The following CNTN5 variants were observed in gnomAD, a reference collection of about 807,000 sequenced individuals.
The protein encoded by CNTN5 is contactin-5.
CNTN5 carries 77 observed loss-of-function variants against 129.1 expected under a neutral mutation model. That is an observed-to-expected ratio of 0.60 (90% CI 0.50 to 0.72). The LOEUF is 0.72. Ranked by LOEUF, CNTN5 falls within the 30% of genes least tolerant of loss-of-function variation. The pLI is 0.00. For synonymous variants in CNTN5, 509 were observed against 465.6 expected, an observed-to-expected ratio of 1.09 and a Z score of -1.20; for missense variants, 1,478 against 1,328.8, an observed-to-expected ratio of 1.11 and a Z score of -1.75.
chr11:99,607,303 C>T (rs1399196300), intron 3 of CNTN5, among the ~76,000 whole-genome samples: 5 of 119,970 alleles, frequency 4.2e-5, no homozygotes, highest in Admixed American at 8.6e-5. Context: ...TGAACAGACA[C>T]TTCTCAAAAG....
At chr11:99,780,926 G>A (rs188104780) in intron 3 of CNTN5, among the ~76,000 whole-genome samples, 1 of 152,142 alleles carries the variant, frequency 6.6e-6, no homozygotes, top group East Asian at 2.0e-4. Context: ...TAACTTTGTA[G>A]ATCAGGAAGG....
chr11:99,124,117 T>C (rs573946261), intron 1 of CNTN5, among the ~76,000 whole-genome samples: 1 of 152,074 alleles, frequency 6.6e-6, no homozygotes, highest in Admixed American at 6.6e-5. Context: ...AATGGCTTTA[T>C]GCAATATGGC....
chr11:100,143,934 A>G (rs1365752716), intron 13 of CNTN5, among the ~76,000 whole-genome samples: 2 of 152,100 alleles, frequency 1.3e-5, no homozygotes, highest in Non-Finnish European at 2.9e-5. Context: ...TATCCAGATG[A>G]TTCTCATTTT....
At chr11:100,349,291 A>AT (rs1952353077) in intron 23 of CNTN5, among the ~76,000 whole-genome samples, 2 of 151,878 alleles carry the variant, frequency 1.3e-5, no homozygotes, top group Admixed American at 6.6e-5. Context: ...CTCAAAACAC[A>AT]TTTTCTGTAA....
At chr11:99,782,461 G>C (rs1220812920) in intron 3 of CNTN5, among the ~76,000 whole-genome samples, 1 of 150,778 alleles carries the variant, frequency 6.6e-6, no homozygotes, top group Non-Finnish European at 1.5e-5. Flanking sequence ...TTTCTTCACA[G>C]AATTGGAAAA....
intron 1 of CNTN5, among the ~76,000 whole-genome samples, chr11:99,298,414 T>C (rs1172957753): frequency 2.0e-5 from 3 of 152,182 alleles, no homozygotes; most frequent in Non-Finnish European, 2.9e-5. Flanking sequence ...CATTCTGCAG[T>C]CTGTGAGTGG....
chr11:99,741,162 A>G (rs1943876997), intron 3 of CNTN5, among the ~76,000 whole-genome samples: 1 of 152,188 alleles, frequency 6.6e-6, no homozygotes, highest in East Asian at 1.9e-4. Context: ...TAAAAGAATA[A>G]TAATATCATA....
chr11:99,837,164 G>A (rs1278102283), intron 4 of CNTN5, among the ~76,000 whole-genome samples: 2 of 152,152 alleles, frequency 1.3e-5, no homozygotes, highest in Non-Finnish European at 2.9e-5. Flanking sequence ...CTCTGTTCAC[G>A]ATGGAGTTGC....
chr11:99,450,575 G>T (rs1168996482), intron 2 of CNTN5, among the ~76,000 whole-genome samples: 1 of 152,038 alleles, frequency 6.6e-6, no homozygotes, highest in Non-Finnish European at 1.5e-5. Context: ...TCAGTCATTT[G>T]CCTGAGGCCA....
At chr11:100,161,511 A>G (rs543316692) in intron 13 of CNTN5, among the ~76,000 whole-genome samples, 1 of 152,006 alleles carries the variant, frequency 6.6e-6, no homozygotes, top group South Asian at 2.1e-4. Flanking sequence ...ATGATGTTCA[A>G]TATTCTTACT....
At chr11:99,479,822 T>G (rs552301734) in intron 2 of CNTN5, among the ~76,000 whole-genome samples, 4 of 152,110 alleles carry the variant, frequency 2.6e-5, no homozygotes, top group African/African-American at 7.2e-5. Context: ...AAACATTTTA[T>G]AAATGGTCTG....
intron 21 of CNTN5, among the ~76,000 whole-genome samples, chr11:100,326,220 G>T (rs1951783931): frequency 1.3e-5 from 2 of 152,032 alleles, no homozygotes; most frequent in African/African-American, 4.8e-5. Flanking sequence ...AGATGTGAGA[G>T]AAAATGGTAG....
Position 99,035,991 on chromosome 11 carries a change from G to T in CNTN5, c.-210+14721G>T, listed in dbSNP as rs2135114963. Among the ~76,000 whole-genome samples, 3 of 152,020 alleles carry T rather than the reference G, an allele frequency of 2.0e-5. 1 individual carries two copies. Among genetic ancestry groups the T allele is most frequent in the Middle Eastern group, 3.4e-3 (1 of 294 alleles). ...GTGGTGACAAAATCTCTCAGCATTTGCTTGTCTGTAAAGTATTTTATTTCT... is the reference window on the plus strand; with the variant it reads ...GTGGTGACAAAATCTCTCAGCATTTTCTTGTCTGTAAAGTATTTTATTTCT... On this transcript the variant is annotated intron_variant, in intron 1 of 24. Coordinates refer to ENST00000524871, the MANE Select transcript of CNTN5 (RefSeq NM_014361.4).
At chr11:100,229,934 T>G (rs2138644904) in intron 16 of CNTN5, among the ~76,000 whole-genome samples, 1 of 152,246 alleles carries the variant, frequency 6.6e-6, no homozygotes, top group Non-Finnish European at 1.5e-5. Context: ...TTCACATGGT[T>G]GAGTAATGAT....
At chr11:99,493,565 T>C (rs192723430) in intron 2 of CNTN5, among the ~76,000 whole-genome samples, 1 of 152,312 alleles carries the variant, frequency 6.6e-6, no homozygotes, top group African/African-American at 2.4e-5. Flanking sequence ...GAAACTTAAG[T>C]GACAGAGATA....
intron 18 of CNTN5, among the ~76,000 whole-genome samples, chr11:100,286,707 C>T (rs1261635042): frequency 1.2e-4 from 18 of 150,124 alleles, no homozygotes; most frequent in East Asian, 5.8e-4. Flanking sequence ...GCCTCTCCTC[C>T]TCCAAAGGAA....
At chr11:99,424,405 C>T (rs763511067) in intron 2 of CNTN5, among the ~76,000 whole-genome samples, 3 of 152,202 alleles carry the variant, frequency 2.0e-5, no homozygotes, top group African/African-American at 4.8e-5. Context: ...GCACTCAGCT[C>T]ATGCTGCCGG....
At chr11:99,496,777 G>A (rs1683544675) in intron 2 of CNTN5, among the ~76,000 whole-genome samples, 1 of 152,154 alleles carries the variant, frequency 6.6e-6, no homozygotes, top group African/African-American at 2.4e-5. Flanking sequence ...AAGTAACTGG[G>A]GTTGGATGTT....
At chr11:99,747,429 T>TCCC (rs746015501) in intron 3 of CNTN5, among the ~76,000 whole-genome samples, 5 of 150,990 alleles carry the variant, frequency 3.3e-5, no homozygotes, top group Non-Finnish European at 7.4e-5. Context: ...GGCTGAGATT[T>TCCC]CCCATACTAT....
Sources: gnomAD v4.1 joint callset for allele counts (sites outside exome capture counted in the v4.1 genomes callset) on GRCh38, gnomAD v4.1.1 for gene constraint, MANE v1.5 for transcripts, NCBI Gene and HGNC (gene_info 2026-07-23, HGNC 2026-07-21) for gene names.